The following RYR1 variants were observed in gnomAD, a reference collection of about 807,000 sequenced individuals.
The protein encoded by RYR1 is central core disease of muscle.
Under a neutral mutation model 583.5 loss-of-function variants are expected in RYR1, and 342 were observed. That is an observed-to-expected ratio of 0.59 (90% confidence interval 0.54 to 0.64). The LOEUF (loss-of-function observed/expected upper bound fraction) is 0.64, where lower values mean the gene tolerates loss of function less well. RYR1 is among the 30% of genes least tolerant of loss of function. RYR1 has a pLI of 0.00. For missense variants in RYR1, 6,032 were observed against 6,917.2 expected (o/e 0.87, Z 4.54); for synonymous variants, 2,791 against 2,822.5 (o/e 0.99, Z 0.35).
intron 91 of RYR1, 35 bp from the exon 92 acceptor site, chr19:38,566,876 T>C: frequency 6.3e-7 from 1 of 1,582,946 alleles, no homozygotes; most frequent in Non-Finnish European, 8.6e-7. Context: ...GCGCTTAGGG[T>C]GAGGACTCAG....
intron 64 of RYR1, 146 bp downstream of exon 64, chr19:38,515,253 C>G (rs1340213226): frequency 1.3e-5 from 9 of 693,478 alleles, no homozygotes; most frequent in Non-Finnish European, 2.3e-5. Context: ...CCACGGCGGC[C>G]GCGTGAGGGC....
At chr19:38,550,528 A>G (rs1019857092) in intron 89 of RYR1, among the ~76,000 whole-genome samples, 12 of 152,076 alleles carry the variant, frequency 7.9e-5, no homozygotes, top group African/African-American at 2.9e-4. Context: ...ATTTGTTTTT[A>G]GAGTCAGAGT....
chr19:38,552,826 A>G (rs1414834896), intron 89 of RYR1, among the ~76,000 whole-genome samples: 1 of 152,114 alleles, frequency 6.6e-6, no homozygotes, highest in East Asian at 1.9e-4. Context: ...GCTACAAGAG[A>G]AGCAAAAAGC....
chr19:38,473,586 G>A lies in RYR1; in HGVS notation c.3975G>A (p.Ala1325=), dbSNP rs578203473. 53 of 1,587,684 alleles carry A rather than the reference G, an allele frequency of 3.3e-5. No individual in the cohort carries two copies. In the East Asian group the frequency reaches 8.7e-4, roughly 26 times the overall value. Residue 1325 remains alanine, a synonymous_variant, in exon 28 of 106, where the codon GCG becomes GCA. Transcript: ENST00000359596. Reference sequence around the variant, plus strand: ...CCGCCGAGGACGAGGCCCGGGCGGCGGAACCCGACCCTGACTACGAAAACC... The same window carrying A: ...CCGCCGAGGACGAGGCCCGGGCGGCAGAACCCGACCCTGACTACGAAAACC... ...QPPAEDEARA[A]EPDPDYENLR...
chr19:38,566,113 A>G (rs554600859), intron 91 of RYR1, among the ~76,000 whole-genome samples: 1 of 151,964 alleles, frequency 6.6e-6, no homozygotes, highest in Admixed American at 6.6e-5. Flanking sequence ...CTGCAGAGCC[A>G]GAGAGAGTAA....
rs770663768 is a variant in RYR1, at chr19:38,532,680, C to G, written c.11203C>G (p.Leu3735Val). The G allele has an allele frequency of 6.2e-7, 1 of 1,614,004 alleles. No homozygotes were observed. The highest frequency in any genetic ancestry group is 2.2e-5 in the East Asian group (1 of 44,894). Residue 3735 changes from leucine to valine, a missense_variant, in exon 78 of 106, where the codon CTG becomes GTG. By Grantham distance (32) the Leu-to-Val change is conservative. Around this residue, in one of 11 missense-constraint regions of RYR1, gnomAD observed 1,493 missense variants for 1,715.5 expected, o/e 0.87. Transcript: ENST00000359596. ...GATGCCCCCTCCCCAGAGCTGCCACCTGGAGGAGGGAGGGGAGAACGGTGA... is the reference window on the plus strand; with the variant it reads ...GATGCCCCCTCCCCAGAGCTGCCACGTGGAGGAGGGAGGGGAGAACGGTGA... ...YADIMAKSCH[L>V]EEGGENGEAE...
chr19:38,490,269 A>T lies in RYR1; in HGVS notation c.6008A>T (p.Gln2003Leu). 6.2e-7 allele frequency: 1 copy of T among 1,613,754 alleles called. No individual in the cohort carries two copies. Among genetic ancestry groups the T allele is most frequent in the Non-Finnish European group, 8.5e-7 (1 of 1,179,866 alleles). ...RRTREFRSPP[Q>L]EQINMLLQFK... is the part of the protein sequence containing the mutation. ...ACCCGCGAGTTCCGCTCCCCACCCC[A>T]GGAACAGGTCATCTGACCCCTGACG... is the stretch of plus-strand genomic sequence containing the variant. The change falls in exon 36 of 106, where the codon CAG becomes CTG. Residue 2003 changes from glutamine (Q) to leucine (L), a missense_variant. Physicochemically the swap from Gln to Leu is moderately radical, Grantham distance 113 (BLOSUM62 -2). Around this residue, in one of 11 missense-constraint regions of RYR1, gnomAD observed 2,627 missense variants for 2,961.3 expected, o/e 0.89. Transcript: ENST00000359596.
At position 38,499,894 on chromosome 19, in the gene RYR1, C is replaced by T. The variant is rs199721157; in HGVS notation, c.7215-14C>T. 2.4e-5 allele frequency: 38 copies of T among 1,613,866 alleles called. No individual in the cohort carries two copies. In the Admixed American group the frequency reaches 5.0e-4, roughly 21 times the overall value. ...CCCCTGGCTGCCTCCCCAACCCACC[C>T]ACCTTCCCTGCAGCTTTGGTGAGGA... is the stretch of plus-strand genomic sequence containing the variant. On this transcript the variant is annotated splice_polypyrimidine_tract_variant and intron_variant, in intron 44 of 105. Coordinates refer to ENST00000359596, the MANE Select transcript of RYR1 (RefSeq NM_000540.3). This position sits in a 1 kb window ranked among gnomAD's most constrained non-coding sequence, Gnocchi z 7.3.
intron 1 of RYR1, among the ~76,000 whole-genome samples, chr19:38,438,893 C>T (rs1486104707): frequency 6.6e-6 from 1 of 152,056 alleles, no homozygotes; most frequent in Non-Finnish European, 1.5e-5. Flanking sequence ...GCTGGGATTA[C>T]AGGCGTGAGC....
intron 54 of RYR1, 140 bp downstream of exon 54, chr19:38,506,086 A>T (rs1970434541): frequency 2.4e-6 from 3 of 1,232,850 alleles, no homozygotes; most frequent in Non-Finnish European, 3.4e-6. Flanking sequence ...GAAACCTGAG[A>T]TCTGGGAAAG....
At chr19:38,513,715 G>A (rs1329629067) in intron 63 of RYR1, among the ~76,000 whole-genome samples, 5 of 148,988 alleles carry the variant, frequency 3.4e-5, no homozygotes, top group Admixed American at 6.7e-5. Context: ...CAGCTTGGGC[G>A]ACAGAGCAAG....
chr19:38,550,959 T>C (rs1972638053), intron 89 of RYR1, among the ~76,000 whole-genome samples: 2 of 151,482 alleles, frequency 1.3e-5, no homozygotes, highest in Admixed American at 6.6e-5. Context: ...AAAGAGTGTT[T>C]CCTTCTTGTC....
intron 105 of RYR1, 106 bp downstream of exon 105, chr19:38,586,682 G>A (rs1974506123): frequency 1.8e-6 from 2 of 1,115,702 alleles, no homozygotes; most frequent in South Asian, 2.5e-5. Context: ...CAAGGGTTAG[G>A]GCTGGGGGCT....
At chr19:38,564,452 G>T (rs1394011995) in intron 90 of RYR1, among the ~76,000 whole-genome samples, 2 of 152,194 alleles carry the variant, frequency 1.3e-5, no homozygotes, top group African/African-American at 2.4e-5. Flanking sequence ...GTGAACCCTG[G>T]GGACGAAGGT....
chr19:38,488,987 T>C (rs1294698923), intron 34 of RYR1, among the ~76,000 whole-genome samples, 190 bp from the exon 35 acceptor site: 1 of 152,100 alleles, frequency 6.6e-6, no homozygotes, highest in Non-Finnish European at 1.5e-5. Flanking sequence ...ACACAGGGTG[T>C]GGACCTGGGT....
intron 36 of RYR1, 51 bp downstream of exon 36, chr19:38,490,327 A>C: frequency 1.4e-5 from 22 of 1,538,558 alleles, no homozygotes; most frequent in South Asian, 2.3e-5. Context: ...CCCCAACCTC[A>C]ACATCTCCTG....
In RYR1 at chr19:38,496,273, A is replaced by G. The variant is rs200203904; in HGVS notation, c.6607A>G (p.Met2203Val). 2.8e-5 allele frequency: 45 copies of G among 1,613,928 alleles called. No individual in the cohort carries two copies. Among genetic ancestry groups the G allele is most frequent in the Non-Finnish European group, 3.4e-5 (40 of 1,180,034 alleles). ...QHPNLMRALGMHETVMEVMVN... is the reference protein window; with the variant it reads ...QHPNLMRALGVHETVMEVMVN... ...CCCGAACCTGATGAGGGCGCTGGGC[A>G]TGCACGAGACGGTCATGGAGGTCAT... Residue 2203 changes from methionine to valine, a missense_variant, in exon 40 of 106, where the codon ATG becomes GTG. By Grantham distance (21) the Met-to-Val change is conservative. Transcript: ENST00000359596. The surrounding 1 kb of genome is among the most constrained non-coding windows in gnomAD (Gnocchi z 4.8).
At chr19:38,458,613 TG>T (rs869168291) in intron 18 of RYR1, among the ~76,000 whole-genome samples, 413 of 146,840 alleles carry the variant, frequency 2.8e-3, no homozygotes, top group African/African-American at 9.3e-3. Context: ...TTATTTATTT[TG>T]TTTGTTTGTT....
At chr19:38,547,779 G>A (rs201847254) in intron 88 of RYR1, among the ~76,000 whole-genome samples, 56 of 150,204 alleles carry the variant, frequency 3.7e-4, no homozygotes, top group African/African-American at 1.3e-3. Flanking sequence ...GCAGTGGCAC[G>A]ATCTCGGCTC....
Sources: allele counts gnomAD v4.1 joint callset (sites outside exome capture counted in the v4.1 genomes callset), GRCh38; gene constraint gnomAD v4.1.1; regional missense constraint gnomAD v4.1.1; non-coding constraint Gnocchi (gnomAD v3.1); transcripts MANE v1.5; gene names NCBI Gene and HGNC (gene_info 2026-07-23, HGNC 2026-07-21).